The following PTK2 variants were observed in gnomAD, a reference collection of about 807,000 sequenced individuals.
The protein encoded by PTK2 is protein tyrosine kinase 2.
PTK2 carries 45 observed loss-of-function variants against 150.1 expected under a neutral mutation model. That is an observed-to-expected ratio of 0.30 (90% CI 0.24 to 0.38). The LOEUF (loss-of-function observed/expected upper bound fraction) is 0.38, where lower values mean the gene tolerates loss of function less well. Among genes scored for constraint, PTK2 ranks in the 10% least tolerant of loss-of-function variants. The pLI, the probability that PTK2 is intolerant of heterozygous loss-of-function variation, is 1.00. For synonymous variants in PTK2, 432 were observed against 449.2 expected, an observed-to-expected ratio of 0.96 and a Z score of 0.48; for missense variants, 919 against 1,307.3, an observed-to-expected ratio of 0.70 and a Z score of 4.58.
At chr8:140,891,732 G>A (rs2100154319) in intron 2 of PTK2, among the ~76,000 whole-genome samples, 1 of 152,174 alleles carries the variant, frequency 6.6e-6, no homozygotes, top group African/African-American at 2.4e-5. Flanking sequence ...AGACAGTTAC[G>A]GAATCCTGAA....
chr8:140,737,553 T>C (rs1459353917), intron 21 of PTK2, among the ~76,000 whole-genome samples: 1 of 152,238 alleles, frequency 6.6e-6, no homozygotes, highest in African/African-American at 2.4e-5. Flanking sequence ...AACTAAAGTA[T>C]GATACAATTC....
chr8:140,911,441 T>C (rs2100163119), intron 2 of PTK2, among the ~76,000 whole-genome samples: 1 of 152,184 alleles, frequency 6.6e-6, no homozygotes, highest in Non-Finnish European at 1.5e-5. Context: ...TCTGCTGATG[T>C]ATATAATTTT....
chr8:140,845,867 G>C (rs1393726509), intron 7 of PTK2, among the ~76,000 whole-genome samples: 1 of 152,102 alleles, frequency 6.6e-6, no homozygotes, highest in African/African-American at 2.4e-5. Flanking sequence ...AGTTATTCTA[G>C]ATTTTTCTGA....
chr8:140,998,922 G>C (rs2154610463), intron 1 of PTK2, among the ~76,000 whole-genome samples: 1 of 152,240 alleles, frequency 6.6e-6, no homozygotes, highest in African/African-American at 2.4e-5. Flanking sequence ...GACTGAGGGA[G>C]TAAGTTATGT....
chr8:140,927,712 T>C (rs1220419397), intron 1 of PTK2, among the ~76,000 whole-genome samples: 3 of 151,696 alleles, frequency 2.0e-5, no homozygotes, highest in African/African-American at 7.3e-5. Context: ...TCCCAACACT[T>C]TGGGAGGCCA....
intron 23 of PTK2, among the ~76,000 whole-genome samples, chr8:140,715,853 A>C (rs920172760): frequency 6.6e-6 from 1 of 152,208 alleles, no homozygotes; most frequent in Non-Finnish European, 1.5e-5. Context: ...ACCAAAAAAG[A>C]AGCCAAGAAG....
At chr8:140,890,471 C>T in intron 3 of PTK2, 72 bp downstream of exon 3, 6 of 1,278,002 alleles carry the variant, frequency 4.7e-6, no homozygotes, top group Non-Finnish European at 6.6e-6. Flanking sequence ...ATTACACTAT[C>T]TTTTTTCATA....
chr8:140,712,697 C>A (rs1018807535), intron 23 of PTK2, among the ~76,000 whole-genome samples: 4 of 152,202 alleles, frequency 2.6e-5, no homozygotes, highest in East Asian at 1.9e-4. Flanking sequence ...AATGTTAACA[C>A]ATTTCAGTAA....
intron 1 of PTK2, among the ~76,000 whole-genome samples, chr8:140,930,402 C>T (rs1159225012): frequency 6.6e-6 from 1 of 152,178 alleles, no homozygotes; most frequent in African/African-American, 2.4e-5. Flanking sequence ...CCACACTCTC[C>T]TGATCTCTCT....
chr8:140,958,662 T>C (rs546304848), intron 1 of PTK2, among the ~76,000 whole-genome samples: 3 of 152,212 alleles, frequency 2.0e-5, no homozygotes, highest in Admixed American at 6.5e-5. Flanking sequence ...ACACACTGAA[T>C]TGCTAAAACT....
At chr8:140,953,806 G>A (rs900046383) in intron 1 of PTK2, among the ~76,000 whole-genome samples, 5 of 151,986 alleles carry the variant, frequency 3.3e-5, no homozygotes, top group South Asian at 2.1e-4. Context: ...TTTTTTTTGA[G>A]ATGGACTCTT....
At chr8:140,850,782 C>A (rs1279266988) in intron 5 of PTK2, among the ~76,000 whole-genome samples, 1 of 152,028 alleles carries the variant, frequency 6.6e-6, no homozygotes, top group Non-Finnish European at 1.5e-5. Flanking sequence ...TTTCTTTGTG[C>A]AAGTATTGTA....
At chr8:140,785,537 A>T (rs2100084453) in intron 14 of PTK2, among the ~76,000 whole-genome samples, 1 of 151,922 alleles carries the variant, frequency 6.6e-6, no homozygotes, top group African/African-American at 2.4e-5. Flanking sequence ...AGGTACTGAC[A>T]TATGAACCCA....
rs2100121785 is a variant in PTK2, at chr8:140,840,629, AT to A, written c.593+5630del. 2.6e-5 allele frequency among the ~76,000 whole-genome samples: 4 copies of A among 152,310 alleles called. No individual in the cohort carries two copies. The South Asian group carries it at 8.3e-4, about 32-fold the overall frequency. ...AACTAATGAAAGAGTAGAGATGTTT[AT>A]AAATTTCAACGTAATTACAGAAGAA... On this transcript the variant is annotated intron_variant, in intron 7 of 31. Transcript: ENST00000522684.
intron 9 of PTK2, 23 bp from the exon 10 acceptor site, chr8:140,818,377 G>C: frequency 6.3e-7 from 1 of 1,590,888 alleles, no homozygotes; most frequent in Admixed American, 1.7e-5. Flanking sequence ...AAACAAGTGA[G>C]AACAGAGGTG....
At chr8:140,944,135 G>C (rs564327875) in intron 1 of PTK2, among the ~76,000 whole-genome samples, 3 of 152,260 alleles carry the variant, frequency 2.0e-5, no homozygotes, top group African/African-American at 7.2e-5. Flanking sequence ...CTGAAGGTAA[G>C]ATCCTATGCA....
intron 26 of PTK2, among the ~76,000 whole-genome samples, chr8:140,699,544 AG>A (rs2100028959): frequency 6.6e-6 from 1 of 152,240 alleles, no homozygotes; most frequent in East Asian, 1.9e-4. Context: ...GCATATGTCC[AG>A]ACACATCCGG....
intron 8 of PTK2, 106 bp downstream of exon 8, chr8:140,830,366 G>T (rs1307818074): frequency 2.9e-6 from 2 of 686,622 alleles, no homozygotes; most frequent in Non-Finnish European, 4.9e-6. Flanking sequence ...TATTTTACAT[G>T]TAAGGAAGGA....
At chr8:140,893,604 ATTACTGGCTGC>A (rs1217608430) in intron 2 of PTK2, among the ~76,000 whole-genome samples, 1 of 152,182 alleles carries the variant, frequency 6.6e-6, no homozygotes, top group African/African-American at 2.4e-5. Flanking sequence ...AAGAAAGTAG[ATTACTGGCTGC>A]CAGTGGCTGG....
Sources: gnomAD v4.1 joint callset for allele counts (sites outside exome capture counted in the v4.1 genomes callset) on GRCh38, gnomAD v4.1.1 for gene constraint, MANE v1.5 for transcripts, NCBI Gene and HGNC (gene_info 2026-07-23, HGNC 2026-07-21) for gene names.